Variants in TSPAN9 observed in about 807,000 individuals in gnomAD.
The protein encoded by TSPAN9 is tetraspanin-9.
A neutral mutation model predicts 31.0 loss-of-function variants in TSPAN9; 16 were observed. The observed-to-expected ratio is 0.52, with a 90% confidence interval of 0.35 to 0.78. The LOEUF (loss-of-function observed/expected upper bound fraction) is 0.78. TSPAN9 is among the 30% of genes least tolerant of loss of function. The pLI, the probability that TSPAN9 is intolerant of heterozygous loss-of-function variation, is 0.01. For synonymous variants in TSPAN9, 145 were observed against 121.6 expected (o/e 1.19, Z -1.27); for missense variants, 272 against 312.5 (o/e 0.87, Z 0.98).
chr12:3,193,066 A>G (rs2066357089), intron 2 of TSPAN9, among the ~76,000 whole-genome samples: 1 of 152,126 alleles, frequency 6.6e-6, no homozygotes, highest in African/African-American at 2.4e-5. Context: ...AAACTGAGAT[A>G]TGGAGCAATT....
chr12:3,169,827 A>G (rs1191357803), intron 2 of TSPAN9, among the ~76,000 whole-genome samples: 2 of 151,006 alleles, frequency 1.3e-5, no homozygotes, highest in African/African-American at 4.8e-5. Context: ...CAGGGTGGGC[A>G]GGGTGGCTTC....
intron 2 of TSPAN9, among the ~76,000 whole-genome samples, chr12:3,111,072 A>C (rs1293997520): frequency 2.6e-5 from 4 of 152,216 alleles, no homozygotes; most frequent in African/African-American, 9.6e-5. Flanking sequence ...CGAAGGTTTC[A>C]TCCAGGTGCG....
chr12:3,113,646 C>T (rs2098320413), intron 2 of TSPAN9, among the ~76,000 whole-genome samples: 1 of 152,194 alleles, frequency 6.6e-6, no homozygotes, highest in Admixed American at 6.5e-5. Context: ...TCTCAGTCCC[C>T]TTCCCACATT....
At chr12:3,248,252 A>G (rs888446156) in intron 3 of TSPAN9, among the ~76,000 whole-genome samples, 1 of 152,052 alleles carries the variant, frequency 6.6e-6, no homozygotes, top group African/African-American at 2.4e-5. Flanking sequence ...CTACTTATTT[A>G]GCTTTGAAAT....
chr12:3,253,251 G>A (rs1335092802), intron 3 of TSPAN9, among the ~76,000 whole-genome samples: 3 of 152,222 alleles, frequency 2.0e-5, no homozygotes, highest in Non-Finnish European at 4.4e-5. Flanking sequence ...AAGACGATAG[G>A]AAAAATGCAG....
chr12:3,160,906 G>A (rs1591654042), intron 2 of TSPAN9, among the ~76,000 whole-genome samples: 1 of 152,272 alleles, frequency 6.6e-6, no homozygotes, highest in South Asian at 2.1e-4. Flanking sequence ...TTTTGATGGT[G>A]TTATTTGCAA....
intron 2 of TSPAN9, among the ~76,000 whole-genome samples, chr12:3,178,104 C>T (rs183573821): frequency 5.3e-5 from 8 of 152,224 alleles, no homozygotes; most frequent in African/African-American, 1.9e-4. Context: ...TGGCCTTTCC[C>T]CGCTGTATGC....
chr12:3,129,361 A>T (rs777609124), intron 2 of TSPAN9, among the ~76,000 whole-genome samples: 1 of 152,184 alleles, frequency 6.6e-6, no homozygotes, highest in African/African-American at 2.4e-5. Context: ...TAGTTTTTCT[A>T]TGCATTGGAT....
intron 3 of TSPAN9, among the ~76,000 whole-genome samples, chr12:3,214,122 C>G (rs901787880): frequency 1.3e-5 from 2 of 152,238 alleles, no homozygotes; most frequent in African/African-American, 2.4e-5. Context: ...GTTTCCACAT[C>G]TGGAAAATGA....
At chr12:3,101,108 A>G (rs1338578961) in intron 2 of TSPAN9, among the ~76,000 whole-genome samples, 1 of 151,864 alleles carries the variant, frequency 6.6e-6, no homozygotes, top group Admixed American at 6.6e-5. Flanking sequence ...CGGAAACTAC[A>G]CTCCATAGGA....
intron 3 of TSPAN9, chr12:3,212,000 C>A: frequency 1.3e-6 from 1 of 763,056 alleles, no homozygotes; most frequent in Non-Finnish European, 2.1e-6. Flanking sequence ...GAGATATAAT[C>A]TTTCTCCGTC....
At chr12:3,079,065 C>G (rs191582672) in intron 1 of TSPAN9, among the ~76,000 whole-genome samples, 1 of 151,584 alleles carries the variant, frequency 6.6e-6, no homozygotes, top group Non-Finnish European at 1.5e-5. Flanking sequence ...CTGCAACCCC[C>G]GCGTCCCAGG....
intron 1 of TSPAN9, among the ~76,000 whole-genome samples, chr12:3,082,147 G>A (rs183997234): frequency 7.9e-5 from 12 of 152,364 alleles, no homozygotes; most frequent in African/African-American, 2.6e-4. Context: ...GCTTCTGAGA[G>A]CAGAATGTTA....
intron 2 of TSPAN9, among the ~76,000 whole-genome samples, chr12:3,149,509 A>T (rs955676926): frequency 6.6e-6 from 1 of 152,166 alleles, no homozygotes; most frequent in Non-Finnish European, 1.5e-5. Context: ...TCTTGGCCAG[A>T]CCTCAGTTTG....
intron 2 of TSPAN9, among the ~76,000 whole-genome samples, chr12:3,160,093 C>G (rs1219944868): frequency 1.3e-5 from 2 of 152,220 alleles, no homozygotes; most frequent in Non-Finnish European, 2.9e-5. Context: ...CCTCCCAACC[C>G]TCATTCCTCC....
At chr12:3,145,675 C>G (rs1249471274) in intron 2 of TSPAN9, among the ~76,000 whole-genome samples, 1 of 152,226 alleles carries the variant, frequency 6.6e-6, no homozygotes, top group African/African-American at 2.4e-5. Context: ...CCAGGATCAT[C>G]CTGTCCTGCT....
rs990622633 is a variant in TSPAN9 at position 3,112,485 on chromosome 12, C to T, written c.-18+28766C>T. Among the ~76,000 whole-genome samples the T allele has an allele frequency of 3.3e-5, 5 of 151,598 alleles. No individual in the cohort carries two copies. The East Asian group carries it at 7.7e-4, about 23-fold the overall frequency. ...GCCACCGCGCCTGGCCTGTAATGTT[C>T]CATTTTTATCTCTGATTTTATTTAT... On this transcript the variant is annotated intron_variant, in intron 2 of 8. Transcript: ENST00000011898.
intron 2 of TSPAN9, among the ~76,000 whole-genome samples, chr12:3,190,647 C>T (rs968707944): frequency 6.6e-6 from 1 of 152,190 alleles, no homozygotes; most frequent in Non-Finnish European, 1.5e-5. Context: ...GACTATCAGC[C>T]CCGTTCTTCT....
intron 3 of TSPAN9, among the ~76,000 whole-genome samples, chr12:3,268,043 T>A (rs1022130614): frequency 6.6e-6 from 1 of 152,194 alleles, no homozygotes; most frequent in Admixed American, 6.5e-5. Context: ...GGCAGTCCCC[T>A]CCACCAGCTC....
Sources: allele counts gnomAD v4.1 joint callset (sites outside exome capture counted in the v4.1 genomes callset), GRCh38; gene constraint gnomAD v4.1.1; transcripts MANE v1.5; gene names NCBI Gene and HGNC (gene_info 2026-07-23, HGNC 2026-07-21).